ACACB: variants seen among roughly 807,000 people sequenced by gnomAD.
ACACB encodes the protein acetyl-CoA carboxylase 2.
ACACB carries 209 observed loss-of-function variants against 278.8 expected under a neutral mutation model. The ratio of observed to expected loss-of-function variants is 0.75; its 90% CI spans 0.67 to 0.84. The LOEUF (loss-of-function observed/expected upper bound fraction) is 0.84, where lower values mean the gene tolerates loss of function less well. Among genes scored for constraint, ACACB ranks in the 40% least tolerant of loss-of-function variants. The pLI, the probability that ACACB is intolerant of heterozygous loss-of-function variation, is 0.00. For missense variants in ACACB, 2,850 were observed against 3,269.0 expected (o/e 0.87, Z 3.13); for synonymous variants, 1,174 against 1,285.6 (o/e 0.91, Z 1.86).
intron 1 of ACACB, among the ~76,000 whole-genome samples, chr12:109,130,597 A>T (rs556688379): frequency 2.6e-4 from 40 of 152,198 alleles, no homozygotes; most frequent in African/African-American, 8.9e-4. Flanking sequence ...GCTTCCCCGC[A>T]TTCAGCTGTA....
chr12:109,167,492 G>A (rs1054578276), intron 3 of ACACB, among the ~76,000 whole-genome samples: 29 of 151,000 alleles, frequency 1.9e-4, no homozygotes, highest in Admixed American at 7.3e-4. Flanking sequence ...CCAGCTACTC[G>A]GGAGGCTGAG....
At chr12:109,117,758 G>A (rs1429335885) in intron 1 of ACACB, among the ~76,000 whole-genome samples, 1 of 152,218 alleles carries the variant, frequency 6.6e-6, no homozygotes, top group Non-Finnish European at 1.5e-5. Context: ...CATGGGACTT[G>A]CAATTTAAAA....
At chr12:109,246,059 T>A in intron 38 of ACACB, 120 bp from the exon 39 acceptor site, 1 of 1,216,088 alleles carries the variant, frequency 8.2e-7, no homozygotes, top group South Asian at 1.7e-5. Flanking sequence ...CACTGCACTC[T>A]GGCCTGCGCA....
chr12:109,174,939 A>G (rs563103366), intron 7 of ACACB, among the ~76,000 whole-genome samples: 14 of 152,144 alleles, frequency 9.2e-5, no homozygotes, highest in Admixed American at 6.5e-4. Context: ...ATATCTTTCT[A>G]TGTAAAAAAT....
chr12:109,222,735 C>T (rs561861839), intron 25 of ACACB, 64 bp from the exon 26 acceptor site: 148 of 1,550,964 alleles, frequency 9.5e-5, no homozygotes, highest in Non-Finnish European at 1.2e-4. Context: ...GGCCCGTGCC[C>T]GAGCCTCTGC....
chr12:109,156,753 AG>A (rs2043552763), intron 2 of ACACB, among the ~76,000 whole-genome samples: 1 of 152,114 alleles, frequency 6.6e-6, no homozygotes, highest in Admixed American at 6.6e-5. Context: ...GGTAGCAGGA[AG>A]GGTCGCAAAA....
intron 2 of ACACB, among the ~76,000 whole-genome samples, chr12:109,150,712 G>T (rs759619642): frequency 3.9e-5 from 6 of 152,196 alleles, no homozygotes; most frequent in African/African-American, 7.2e-5. Context: ...GGGTGGGCTT[G>T]CAGTGCAGCC....
chr12:109,159,756 T>G (rs2043661343), intron 2 of ACACB, among the ~76,000 whole-genome samples: 1 of 151,650 alleles, frequency 6.6e-6, no homozygotes, highest in Non-Finnish European at 1.5e-5. Flanking sequence ...ATCAAAGATG[T>G]CTCCAGGTAT....
At chr12:109,115,375 T>C (rs1334587457), upstream of ACACB, among the ~76,000 whole-genome samples, 1 of 152,200 alleles carries the variant, frequency 6.6e-6, no homozygotes, top group African/African-American at 2.4e-5. Flanking sequence ...AATTTTTTTT[T>C]CATGAAGTTA....
In ACACB at chr12:109,197,157, C is replaced by T. The variant is rs762476875; in HGVS notation, c.2627+4C>T. On this transcript the variant is annotated splice_donor_region_variant and intron_variant, in intron 17 of 52. Transcript: ENST00000338432. ...ACATGAAGGAAGAGGTTGACAGGTG[C>T]GTGGGGGTGCGAGTCCCACTGTGGG... 8.1e-6 allele frequency: 13 copies of T among 1,600,796 alleles called. No homozygotes were observed. The highest frequency in any genetic ancestry group is 5.6e-5 in the South Asian group (5 of 88,644).
In ACACB at chr12:109,189,653, C is replaced by T. The variant is rs186946711; in HGVS notation, c.2144+1491C>T. On this transcript the variant is annotated intron_variant, in intron 13 of 52. Coordinates refer to ENST00000338432, the MANE Select transcript of ACACB (RefSeq NM_001093.4). The stretch of plus-strand genomic sequence containing the variant: ...ACAAGTCACTCACCCGTGAGACCAG[C>T]GGGTTAACTCTCATACCCAGCTTCC... Among the ~76,000 whole-genome samples the T allele has an allele frequency of 2.6e-4, 39 of 152,300 alleles. No individual in the cohort carries two copies. In the South Asian group the frequency reaches 4.4e-3, roughly 17 times the overall value.
chr12:109,174,548 G>GA (rs34161814), intron 7 of ACACB, among the ~76,000 whole-genome samples: 35,748 of 132,998 alleles, frequency 0.27, 4,673 homozygotes, highest in East Asian at 0.46. Flanking sequence ...TATTCTTTGG[G>GA]AAAAAAAAAA....
intron 1 of ACACB, among the ~76,000 whole-genome samples, chr12:109,117,089 G>A (rs2135922712): frequency 6.8e-6 from 1 of 147,082 alleles, no homozygotes; most frequent in East Asian, 2.0e-4. Context: ...CTAAGGCTGG[G>A]CACGGTGGCT....
intron 10 of ACACB, among the ~76,000 whole-genome samples, 175 bp from the exon 11 acceptor site, chr12:109,179,742 T>C (rs1221121788): frequency 6.6e-6 from 1 of 152,206 alleles, no homozygotes; most frequent in Admixed American, 6.5e-5. Flanking sequence ...CCTCCCGCCT[T>C]GGCCTCCTTA....
At chr12:109,151,511 C>A (rs2043375367) in intron 2 of ACACB, among the ~76,000 whole-genome samples, 2 of 151,696 alleles carry the variant, frequency 1.3e-5, no homozygotes, top group African/African-American at 4.8e-5. Flanking sequence ...TGCTTTTCTG[C>A]AAAAATGAAG....
At chr12:109,219,454 A>G (rs2046098741) in intron 24 of ACACB, among the ~76,000 whole-genome samples, 1 of 152,214 alleles carries the variant, frequency 6.6e-6, no homozygotes, top group Admixed American at 6.5e-5. Flanking sequence ...CAATTTAATC[A>G]GAGTTTCTAG....
chr12:109,185,846 TCA>T, intron 12 of ACACB, 106 bp downstream of exon 12: 1 of 1,187,482 alleles, frequency 8.4e-7, no homozygotes, highest in South Asian at 1.8e-5. Flanking sequence ...TCCAGGCATC[TCA>T]GTTTACAAAT....
At chr12:109,187,603 G>A (rs1219597135) in intron 12 of ACACB, among the ~76,000 whole-genome samples, 1 of 151,708 alleles carries the variant, frequency 6.6e-6, no homozygotes, top group Non-Finnish European at 1.5e-5. Context: ...GGGACTACAG[G>A]TGTGTGCCAC....
upstream of ACACB, among the ~76,000 whole-genome samples, chr12:109,114,485 G>T (rs777273467): frequency 2.6e-5 from 4 of 152,052 alleles, no homozygotes; most frequent in Non-Finnish European, 5.9e-5. Flanking sequence ...CAGAGGGTCC[G>T]GTTTGCAGCA....
Sources: gnomAD v4.1 joint callset for allele counts (sites outside exome capture counted in the v4.1 genomes callset) on GRCh38, gnomAD v4.1.1 for gene constraint, MANE v1.5 for transcripts, NCBI Gene and HGNC (gene_info 2026-07-23, HGNC 2026-07-21) for gene names.